Variants in MAGI2 observed in about 807,000 individuals in gnomAD.
MAGI2 encodes membrane-associated guanylate kinase, WW and PDZ domain-containing protein 2.
Under a neutral mutation model 133.3 loss-of-function variants are expected in MAGI2, and 35 were observed. That is an observed-to-expected ratio of 0.26 (90% CI 0.20 to 0.35). The LOEUF is 0.35. MAGI2 is among the 10% of genes least tolerant of loss of function. The pLI, the probability that MAGI2 is intolerant of heterozygous loss-of-function variation, is 1.00. For missense variants in MAGI2, 1,636 were observed against 1,863.4 expected (o/e 0.88, Z 2.25); for synonymous variants, 729 against 710.6 (o/e 1.03, Z -0.41).
chr7:78,505,327 T>C (rs920062879), intron 4 of MAGI2, among the ~76,000 whole-genome samples: 7 of 152,146 alleles, frequency 4.6e-5, no homozygotes, highest in Admixed American at 3.9e-4. Flanking sequence ...TTACAAGTTG[T>C]CACTGTATTG....
chr7:79,137,673 G>A (rs182742093), intron 1 of MAGI2, among the ~76,000 whole-genome samples: 4 of 151,562 alleles, frequency 2.6e-5, no homozygotes, highest in African/African-American at 4.9e-5. Context: ...GGCTGGTCTC[G>A]AACTCCTGAC....
At chr7:79,002,136 T>TC (rs1436578412) in intron 2 of MAGI2, among the ~76,000 whole-genome samples, 1 of 25,560 alleles carries the variant, frequency 3.9e-5, no homozygotes, top group Non-Finnish European at 1.1e-4. Flanking sequence ...TTCTTCTTCT[T>TC]TTTTTTTTTT....
At chr7:78,203,423 G>A (rs1829451479) in intron 10 of MAGI2, among the ~76,000 whole-genome samples, 1 of 152,208 alleles carries the variant, frequency 6.6e-6, no homozygotes, top group Admixed American at 6.5e-5. Context: ...GCAGGAGCCT[G>A]GTGGAGAAGA....
At chr7:78,554,730 C>T (rs1214927194) in intron 3 of MAGI2, 1 of 152,206 alleles carries the variant, frequency 6.6e-6, no homozygotes, top group East Asian at 1.9e-4. Flanking sequence ...CAGAGAGGAA[C>T]TTGAACAGAC....
intron 2 of MAGI2, among the ~76,000 whole-genome samples, chr7:78,651,007 C>A (rs117067140): frequency 7.8e-4 from 118 of 152,230 alleles, no homozygotes; most frequent in Middle Eastern, 6.8e-3. Flanking sequence ...AGGCTTTTAG[C>A]AATCCTTGAC....
At chr7:78,919,753 T>C (rs769803007) in intron 2 of MAGI2, among the ~76,000 whole-genome samples, 10 of 152,158 alleles carry the variant, frequency 6.6e-5, no homozygotes, top group Admixed American at 1.3e-4. Context: ...GACTCACTTA[T>C]AACAGACCTA....
intron 1 of MAGI2, among the ~76,000 whole-genome samples, chr7:79,023,604 C>T (rs530101636): frequency 4.9e-4 from 74 of 152,066 alleles, no homozygotes; most frequent in African/African-American, 1.3e-3. Flanking sequence ...TGTGCTCAAA[C>T]GCTTTTTGAT....
intron 2 of MAGI2, among the ~76,000 whole-genome samples, chr7:78,986,463 T>G (rs561473490): frequency 6.6e-6 from 1 of 152,130 alleles, no homozygotes; most frequent in East Asian, 2.0e-4. Flanking sequence ...TCCTATTTGC[T>G]CTATCTCTTG....
chr7:79,022,457 T>A (rs984772356), intron 1 of MAGI2, among the ~76,000 whole-genome samples: 1 of 151,790 alleles, frequency 6.6e-6, no homozygotes, highest in Non-Finnish European at 1.5e-5. Flanking sequence ...CAACATCATA[T>A]CTAGAGGAAC....
chr7:78,521,808 A>T, intron 3 of MAGI2, among the ~76,000 whole-genome samples, 163 bp from the exon 4 acceptor site: 1 of 151,986 alleles, frequency 6.6e-6, no homozygotes, highest in East Asian at 1.9e-4. Flanking sequence ...GTGTCTCTCT[A>T]TATATATACA....
At chr7:78,058,867 A>C (rs1244835420) in intron 21 of MAGI2, among the ~76,000 whole-genome samples, 1 of 152,062 alleles carries the variant, frequency 6.6e-6, no homozygotes, top group Non-Finnish European at 1.5e-5. Context: ...TCACTTTAGA[A>C]TTTTCCTATG....
chr7:78,893,387 C>A (rs1438248090), intron 2 of MAGI2, among the ~76,000 whole-genome samples: 1 of 152,136 alleles, frequency 6.6e-6, no homozygotes. Flanking sequence ...TGGGTATATA[C>A]CCAAAGGATT....
At chr7:78,423,377 A>T (rs1272279216) in intron 6 of MAGI2, among the ~76,000 whole-genome samples, 3 of 152,218 alleles carry the variant, frequency 2.0e-5, no homozygotes, top group Admixed American at 2.0e-4. Flanking sequence ...CTGTAAGTCC[A>T]ATTAAACCTC....
At chr7:78,938,736 A>G (rs567457135) in intron 2 of MAGI2, among the ~76,000 whole-genome samples, 51 of 152,286 alleles carry the variant, frequency 3.3e-4, no homozygotes, top group African/African-American at 1.2e-3. Flanking sequence ...CAATTAAGAC[A>G]TATAATTTAG....
At chr7:79,101,434 G>C (rs2129543220) in intron 1 of MAGI2, among the ~76,000 whole-genome samples, 1 of 152,170 alleles carries the variant, frequency 6.6e-6, no homozygotes, top group Middle Eastern at 3.4e-3. Context: ...TTTAGAAAAA[G>C]GAAAATGGGG....
chr7:78,054,571 C>A (rs1812357627), intron 21 of MAGI2, among the ~76,000 whole-genome samples: 1 of 150,958 alleles, frequency 6.6e-6, no homozygotes, highest in South Asian at 2.1e-4. Flanking sequence ...TATTTAAGCC[C>A]CTTCATTCAT....
At position 78,775,217 on chromosome 7, in the gene MAGI2, G is replaced by A. The variant is rs145570194; in HGVS notation, c.419-147978C>T. On this transcript the variant is annotated intron_variant, in intron 2 of 21. Coordinates refer to ENST00000354212, the MANE Select transcript of MAGI2 (RefSeq NM_012301.4). ...AGTCCCAGCTACTCGGGAGGCTGAG[G>A]CAGGCGAATGGTGTGAACCCGGGAG... 1.7e-3 allele frequency among the ~76,000 whole-genome samples: 253 copies of A among 151,324 alleles called. 7 individuals carry two copies. In the East Asian group the frequency reaches 0.04, roughly 24 times the overall value.
At chr7:79,022,050 C>T (rs1298741526) in intron 1 of MAGI2, among the ~76,000 whole-genome samples, 1 of 152,104 alleles carries the variant, frequency 6.6e-6, no homozygotes, top group Non-Finnish European at 1.5e-5. Context: ...TGAAAAGGTG[C>T]CCTCCACCAT....
intron 2 of MAGI2, among the ~76,000 whole-genome samples, chr7:78,736,392 T>C (rs947849711): frequency 1.3e-5 from 2 of 152,220 alleles, no homozygotes; most frequent in Admixed American, 1.3e-4. Flanking sequence ...AGGTTAATAT[T>C]TGGAAAACAA....
Sources: gnomAD v4.1 joint callset for allele counts (sites outside exome capture counted in the v4.1 genomes callset) on GRCh38, gnomAD v4.1.1 for gene constraint, MANE v1.5 for transcripts, NCBI Gene and HGNC (gene_info 2026-07-23, HGNC 2026-07-21) for gene names.